MIR2052HG: variants seen among roughly 807,000 people sequenced by gnomAD.
MIR2052HG encodes MIR2052 host gene.
intron 2 of MIR2052HG, among the ~76,000 whole-genome samples, chr8:74,629,653 T>G (rs1741410070): frequency 1.3e-5 from 2 of 152,128 alleles, no homozygotes; most frequent in Admixed American, 6.5e-5. Context: ...ACTGGAAGCC[T>G]TTTGCAGCCA....
chr8:74,693,889 C>A (rs1418404276), intron 2 of MIR2052HG, among the ~76,000 whole-genome samples: 1 of 152,052 alleles, frequency 6.6e-6, no homozygotes, highest in Non-Finnish European at 1.5e-5. Context: ...CCTTGGTAGC[C>A]AAAGACAAAG....
intron 2 of MIR2052HG, among the ~76,000 whole-genome samples, chr8:74,676,667 G>C (rs1277070565): frequency 4.0e-5 from 6 of 151,704 alleles, no homozygotes; most frequent in African/African-American, 1.5e-4. Context: ...TTATTAGATA[G>C]GTTTAAAAAT....
chr8:74,722,822 G>A (rs1809592820), intron 4 of MIR2052HG, among the ~76,000 whole-genome samples: 1 of 152,210 alleles, frequency 6.6e-6, no homozygotes, highest in East Asian at 1.9e-4. Context: ...TGGAAGGAAG[G>A]GAGATTTCTG....
At chr8:74,732,905 G>A (rs1443626911) in intron 4 of MIR2052HG, among the ~76,000 whole-genome samples, 1 of 152,096 alleles carries the variant, frequency 6.6e-6, no homozygotes, top group Non-Finnish European at 1.5e-5. Flanking sequence ...GCTTGGGTAG[G>A]GAGTCTGGAT....
intron 5 of MIR2052HG, chr8:74,756,752 A>T (rs1313558218): frequency 6.6e-6 from 1 of 152,154 alleles, no homozygotes; most frequent in East Asian, 1.9e-4. Context: ...TGCTTGTTTG[A>T]TATCTGTTTT....
intron 4 of MIR2052HG, among the ~76,000 whole-genome samples, chr8:74,732,890 T>C (rs551345615): frequency 1.3e-5 from 2 of 152,074 alleles, no homozygotes; most frequent in East Asian, 3.9e-4. Flanking sequence ...AAGGCTGACT[T>C]GTAGGCTTGG....
intron 4 of MIR2052HG, among the ~76,000 whole-genome samples, chr8:74,751,709 A>G (rs966507978): frequency 1.3e-5 from 2 of 152,240 alleles, no homozygotes; most frequent in African/African-American, 2.4e-5. Context: ...ATCTTATGTC[A>G]TGGTAAAATG....
At chr8:74,607,120 TAA>T (rs930404703) in intron 1 of MIR2052HG, among the ~76,000 whole-genome samples, 3 of 136,202 alleles carry the variant, frequency 2.2e-5, no homozygotes, top group Non-Finnish European at 1.6e-5. Context: ...GAGTAAAACT[TAA>T]AAAAAAAAAA....
chr8:74,600,175 A>C (rs1807971900), intron 1 of MIR2052HG, among the ~76,000 whole-genome samples: 1 of 152,104 alleles, frequency 6.6e-6, no homozygotes, highest in South Asian at 2.1e-4. Context: ...GAAATGCAGA[A>C]ATCACCCTTC....
intron 4 of MIR2052HG, among the ~76,000 whole-genome samples, chr8:74,723,409 T>G (rs1430043342): frequency 6.6e-6 from 1 of 152,056 alleles, no homozygotes; most frequent in Non-Finnish European, 1.5e-5. Context: ...GCCTAATAGG[T>G]GATAGTGTGT....
chr8:74,630,528 G>GGAA (rs375000242), intron 2 of MIR2052HG, among the ~76,000 whole-genome samples: 3,147 of 126,054 alleles, frequency 0.025, 133 homozygotes, highest in African/African-American at 0.087. Context: ...AGATTTCTCT[G>GGAA]AAAAAAAAAA....
At chr8:74,646,167 A>T (rs1808688541) in intron 2 of MIR2052HG, among the ~76,000 whole-genome samples, 1 of 146,384 alleles carries the variant, frequency 6.8e-6, no homozygotes, top group East Asian at 1.9e-4. Context: ...ATGATAAGGG[A>T]AGTACAGAAT....
chr8:74,615,400 A>G (rs1808265329), intron 2 of MIR2052HG, among the ~76,000 whole-genome samples: 1 of 152,188 alleles, frequency 6.6e-6, no homozygotes, highest in African/African-American at 2.4e-5. Flanking sequence ...CCTCATCCCC[A>G]TCTTGAAGAT....
intron 2 of MIR2052HG, among the ~76,000 whole-genome samples, chr8:74,652,823 G>A (rs1371465778): frequency 6.6e-6 from 1 of 152,156 alleles, no homozygotes; most frequent in Non-Finnish European, 1.5e-5. Flanking sequence ...ATGCTTTGAT[G>A]ATGGAGTGAG....
At chr8:74,681,852 A>G (rs1447228154) in intron 2 of MIR2052HG, among the ~76,000 whole-genome samples, 1 of 152,194 alleles carries the variant, frequency 6.6e-6, no homozygotes, top group Non-Finnish European at 1.5e-5. Context: ...ACAGGCTAAT[A>G]TAGGAACAGT....
At chr8:74,723,341 G>A (rs923094137) in intron 4 of MIR2052HG, among the ~76,000 whole-genome samples, 1 of 152,282 alleles carries the variant, frequency 6.6e-6, no homozygotes, top group Non-Finnish European at 1.5e-5. Flanking sequence ...GAATCCACCA[G>A]GAATGGGCCA....
chr8:74,680,088 C>T (rs116417488), intron 2 of MIR2052HG, among the ~76,000 whole-genome samples: 2,003 of 152,016 alleles, frequency 0.013, 35 homozygotes, highest in African/African-American at 0.046. Context: ...GAATTAGTAA[C>T]GGAGTTAAAA....
At chr8:74,734,320 T>C (rs929810229) in intron 4 of MIR2052HG, among the ~76,000 whole-genome samples, 1 of 152,202 alleles carries the variant, frequency 6.6e-6, no homozygotes, top group African/African-American at 2.4e-5. Context: ...CTAAAACTGA[T>C]CTAACATATG....
At chr8:74,664,945 T>G (rs777776869) in intron 2 of MIR2052HG, among the ~76,000 whole-genome samples, 16 of 152,256 alleles carry the variant, frequency 1.1e-4, no homozygotes, top group Non-Finnish European at 1.6e-4. Flanking sequence ...AGCATCATAG[T>G]GAACCTTCTA....
Sources: allele counts gnomAD v4.1 joint callset (sites outside exome capture counted in the v4.1 genomes callset), GRCh38; gene constraint gnomAD v4.1.1; transcripts MANE v1.5; gene names NCBI Gene and HGNC (gene_info 2026-07-23, HGNC 2026-07-21).